EXT2: variants seen among roughly 807,000 people sequenced by gnomAD.
EXT2 encodes exostosin glycosyltransferase 2, also known as exostosin-2.
A neutral mutation model predicts 81.6 loss-of-function variants in EXT2; 53 were observed. The ratio of observed to expected loss-of-function variants is 0.65; its 90% confidence interval spans 0.52 to 0.82. The LOEUF is 0.82. Among genes scored for constraint, EXT2 ranks in the 40% least tolerant of loss-of-function variants. The pLI, the probability that EXT2 is intolerant of heterozygous loss-of-function variation, is 0.00. For synonymous variants in EXT2, 320 were observed against 340.0 expected (o/e 0.94, Z 0.65); for missense variants, 774 against 910.2 (o/e 0.85, Z 1.93).
intron 1 of EXT2, chr11:44,096,200 C>T: frequency 6.6e-7 from 1 of 1,515,558 alleles, no homozygotes; most frequent in Non-Finnish European, 8.9e-7. Flanking sequence ...TGACCCCTCC[C>T]TTCCTGCTGC....
At position 44,249,024 on chromosome 11, in the gene EXT2, TCTCA is replaced by T. The variant is rs1174351588; in HGVS notation, c.*4741_*4744del. On this transcript the variant is annotated 3_prime_UTR_variant, in exon 14 of 14. Transcript: ENST00000533608. The stretch of plus-strand genomic sequence containing the variant: ...TTTTGTTTTTTCTTTGGAAACAGAG[TCTCA>T]CTCTGTCCCATAGGCTGGAGTGTAG... 2.0e-5 allele frequency among the ~76,000 whole-genome samples: 3 copies of T among 152,112 alleles called. No individual in the cohort carries two copies. Among genetic ancestry groups the T allele is most frequent in the African/African-American group, 7.2e-5 (3 of 41,392 alleles).
At position 44,197,985 on chromosome 11, in the gene EXT2, G is replaced by A. The variant is rs139153420; in HGVS notation, c.1462G>A (p.Val488Ile). The A allele has an allele frequency of 9.3e-6, 15 of 1,613,944 alleles. No homozygotes were observed. In the South Asian group the frequency reaches 9.9e-5, roughly 11 times the overall value. The change falls in exon 9 of 14, where the codon GTC (valine) becomes ATC (isoleucine). Residue 488 changes from valine (V) to isoleucine (I), a missense_variant. By Grantham distance (29) the Val-to-Ile change is conservative. Coordinates refer to ENST00000533608, the MANE Select transcript of EXT2 (RefSeq NM_207122.2). The part of the protein sequence containing the change: ...KVPSLSKLLV[V>I]WNNQNKNPPE... ...GCCCAGTCTATCCAAACTACTTGTC[G>A]TCTGGAATAATCAGAATAAAAACCC...
chr11:44,153,756 T>C (rs1954823249), intron 7 of EXT2, among the ~76,000 whole-genome samples: 1 of 152,132 alleles, frequency 6.6e-6, no homozygotes, highest in Admixed American at 6.5e-5. Flanking sequence ...TTTTTCTGTA[T>C]CTATTGGTGT....
Position 44,107,603 on chromosome 11 carries a change from A to C in EXT2, c.-30-80A>C, listed in dbSNP as rs75844681. 6.2e-3 allele frequency: 8,533 copies of C among 1,373,290 alleles called. 293 individuals carry two copies. In the East Asian group the frequency reaches 0.096, roughly 15 times the overall value. 85.1% of individuals were successfully genotyped at this position (1,373,290 alleles called of 1,614,324 possible). The stretch of plus-strand genomic sequence containing the variant: ...TGTCTCAAAACAAAACAAAACAAAA[A>C]AAAAGGTTGAATAGTCTTTTCAAGT... On this transcript the variant is annotated intron_variant, in intron 1 of 13. Coordinates refer to ENST00000533608, the MANE Select transcript of EXT2 (RefSeq NM_207122.2).
intron 8 of EXT2, among the ~76,000 whole-genome samples, chr11:44,189,658 C>T (rs1955365661): frequency 6.6e-6 from 1 of 152,174 alleles, no homozygotes; most frequent in Non-Finnish European, 1.5e-5. Flanking sequence ...AACCCACCCC[C>T]ATGATTCATT....
chr11:44,172,738 C>G (rs1399348897), intron 8 of EXT2, among the ~76,000 whole-genome samples: 1 of 152,094 alleles, frequency 6.6e-6, no homozygotes, highest in African/African-American at 2.4e-5. Flanking sequence ...CATCCGCCAC[C>G]AAGCCCAGCT....
intron 7 of EXT2, among the ~76,000 whole-genome samples, chr11:44,131,755 C>T (rs1256765652): frequency 1.3e-5 from 2 of 152,136 alleles, no homozygotes; most frequent in African/African-American, 4.8e-5. Flanking sequence ...TTTCTTTCCC[C>T]GCCGAGGGGT....
At chr11:44,160,459 G>A (rs1954914020) in intron 7 of EXT2, among the ~76,000 whole-genome samples, 1 of 152,134 alleles carries the variant, frequency 6.6e-6, no homozygotes, top group Non-Finnish European at 1.5e-5. Flanking sequence ...TGCCATACTG[G>A]AAACCAGAAA....
chr11:44,179,871 ATG>A (rs1335315110), intron 8 of EXT2, among the ~76,000 whole-genome samples: 2 of 151,834 alleles, frequency 1.3e-5, no homozygotes, highest in Non-Finnish European at 2.9e-5. Flanking sequence ...CAATTGATTA[ATG>A]TGTCTCCCAA....
intron 1 of EXT2, chr11:44,104,733 C>T (rs1035832735): frequency 6.6e-6 from 1 of 152,184 alleles, no homozygotes; most frequent in African/African-American, 2.4e-5. Context: ...AACTTCCTGT[C>T]TTCAAACTCC....
intron 9 of EXT2, among the ~76,000 whole-genome samples, chr11:44,199,216 A>G (rs1179104397): frequency 6.6e-6 from 1 of 152,116 alleles, no homozygotes; most frequent in Non-Finnish European, 1.5e-5. Flanking sequence ...AAGGAAAGGG[A>G]GGGGTAAAAG....
intron 2 of EXT2, 51 bp downstream of exon 2, chr11:44,108,299 CAGGGAACTAA>C: frequency 6.3e-7 from 1 of 1,581,376 alleles, no homozygotes; most frequent in South Asian, 1.1e-5. Flanking sequence ...GAGTGGCCCT[CAGGGAACTAA>C]AGGGAAGGGA....
intron 7 of EXT2, among the ~76,000 whole-genome samples, chr11:44,139,195 G>T (rs1304064422): frequency 6.9e-6 from 1 of 145,792 alleles, no homozygotes; most frequent in Non-Finnish European, 1.5e-5. Context: ...CTCTTTAGCT[G>T]ACCTTTTTTT....
chr11:44,095,967 T>G (rs2134930866), intron 1 of EXT2, 115 bp downstream of exon 1: 1 of 449,138 alleles, frequency 2.2e-6, no homozygotes, highest in East Asian at 4.6e-5. Flanking sequence ...GCGCGGAGGC[T>G]CCGTGGAGGC....
intron 8 of EXT2, among the ~76,000 whole-genome samples, chr11:44,180,312 T>C (rs2135147314): frequency 6.6e-6 from 1 of 152,334 alleles, no homozygotes; most frequent in South Asian, 2.1e-4. Flanking sequence ...TGTGTCATCA[T>C]TTTTCATTAA....
intron 13 of EXT2, 128 bp downstream of exon 13, chr11:44,236,503 C>T: frequency 1.2e-6 from 1 of 841,410 alleles, no homozygotes; most frequent in East Asian, 2.6e-5. Context: ...TCCATGTGCA[C>T]TGTGGGAATT....
chr11:44,107,532 T>A, intron 1 of EXT2, 151 bp from the exon 2 acceptor site: 8 of 716,910 alleles, frequency 1.1e-5, no homozygotes, highest in Non-Finnish European at 1.8e-5. Flanking sequence ...TGCAGTGAGC[T>A]GAGATTGCAC....
At chr11:44,165,514 G>C (rs1458190027) in intron 7 of EXT2, among the ~76,000 whole-genome samples, 1 of 152,176 alleles carries the variant, frequency 6.6e-6, no homozygotes, top group Non-Finnish European at 1.5e-5. Flanking sequence ...TGGTGGACAG[G>C]GTGAGATGAT....
At chr11:44,233,651 G>A (rs996943288) in intron 11 of EXT2, among the ~76,000 whole-genome samples, 1 of 152,224 alleles carries the variant, frequency 6.6e-6, no homozygotes, top group Admixed American at 6.5e-5. Flanking sequence ...TAATTTAGCT[G>A]TATTCATATC....
Sources: allele counts gnomAD v4.1 joint callset (sites outside exome capture counted in the v4.1 genomes callset), GRCh38; gene constraint gnomAD v4.1.1; transcripts MANE v1.5; gene names NCBI Gene and HGNC (gene_info 2026-07-23, HGNC 2026-07-21).